Variants in CFAP47 observed in about 807,000 individuals in gnomAD.
The protein encoded by CFAP47 is cilia and flagella associated protein 47.
In CFAP47, 29 loss-of-function variants were observed where a neutral mutation model predicts 148.1. That is an observed-to-expected ratio of 0.20 (90% CI 0.15 to 0.27). CFAP47 has a LOEUF of 0.27. Among genes scored for constraint, CFAP47 ranks in the 10% least tolerant of loss-of-function variants. The pLI is 1.00. For missense variants in CFAP47, 1,872 were observed against 1,697.5 expected (o/e 1.10, Z -1.81); for synonymous variants, 664 against 577.3 (o/e 1.15, Z -2.15).
intron 18 of CFAP47, 138 bp downstream of exon 18, chrX:35,993,459 C>A (rs1936810975): frequency 7.9e-6 from 2 of 253,644 alleles, no homozygotes; most frequent in South Asian, 2.6e-4. Flanking sequence ...TGTTTTAATT[C>A]TTTCTTCTAT....
rs1314276971 is a variant in CFAP47, at chrX:36,159,447, G to A, written c.5808G>A (p.Leu1936=). 11 of 295,658 alleles carry A rather than the reference G, an allele frequency of 3.7e-5. No individual in the cohort carries two copies. The highest frequency in any genetic ancestry group is 3.0e-4 in the African/African-American group (11 of 36,292). 24.4% of individuals were successfully genotyped at this position (295,658 alleles called of 1,213,427 possible). A position where few individuals can be genotyped will look rare whatever the true frequency, so the allele number is the denominator to read the frequency against. Reference sequence around the variant, plus strand: ...ATAGAAATGAAATTAATGTCACTCTGAAATTCACCAGTCGCTTTATTCGTC... The same window carrying A: ...ATAGAAATGAAATTAATGTCACTCTAAAATTCACCAGTCGCTTTATTCGTC... ...ISPRNEINVT[L]KFTSRFIRPA... Residue 1936 remains leucine (L), a synonymous_variant, in exon 38 of 64, where the codon CTG becomes CTA. Transcript: ENST00000378653.
Position 35,948,440 on chromosome X carries a change from A to T in CFAP47, c.644A>T (p.Asp215Val). 8.3e-7 allele frequency: 1 copy of T among 1,200,777 alleles called. No homozygotes were observed. The highest frequency in any genetic ancestry group is 1.1e-6 in the Non-Finnish European group (1 of 886,760). Residue 215 changes from aspartate to valine, a missense_variant, in exon 4 of 64, where the codon GAT becomes GTT. Physicochemically the swap from Asp to Val is radical, Grantham distance 152. Coordinates refer to ENST00000378653, the MANE Select transcript of CFAP47 (RefSeq NM_001304548.2). ...DFCADQPRIV[D>V]EEAIVILQGQ... is the part of the protein sequence containing the mutation. ...TGTGCAGACCAGCCAAGAATTGTAGATGAAGAGGCAATGTGAGTATATACT... is the reference window on the plus strand; with the variant it reads ...TGTGCAGACCAGCCAAGAATTGTAGTTGAAGAGGCAATGTGAGTATATACT...
chrX:36,370,873 A>G (rs982307996), intron 62 of CFAP47, among the ~76,000 whole-genome samples: 6 of 111,319 alleles, frequency 5.4e-5, no homozygotes, highest in Non-Finnish European at 9.4e-5. Flanking sequence ...CCCCTGTCCT[A>G]GTGACTATAC....
At chrX:36,299,424 G>A (rs1040697936) in intron 52 of CFAP47, among the ~76,000 whole-genome samples, 1 of 111,013 alleles carries the variant, frequency 9.0e-6, no homozygotes, top group Non-Finnish European at 1.9e-5. Context: ...AAATCTTTAT[G>A]GATGCAAAAA....
At chrX:36,256,794 TTAAC>T (rs1940758655) in intron 49 of CFAP47, among the ~76,000 whole-genome samples, 1 of 111,693 alleles carries the variant, frequency 9.0e-6, no homozygotes, top group Non-Finnish European at 1.9e-5. Flanking sequence ...TGTGAGCTCT[TTAAC>T]TAATGATTTT....
intron 10 of CFAP47, among the ~76,000 whole-genome samples, chrX:35,968,915 A>G (rs1936448980): frequency 9.1e-6 from 1 of 110,343 alleles, no homozygotes; most frequent in African/African-American, 3.3e-5. Flanking sequence ...GCTTCTAGCA[A>G]TAATTTTTTA....
intron 55 of CFAP47, among the ~76,000 whole-genome samples, chrX:36,307,804 T>C (rs1941362796): frequency 9.0e-6 from 1 of 111,064 alleles, no homozygotes; most frequent in Non-Finnish European, 1.9e-5. Context: ...AATTTATTTT[T>C]AGAAAATTTG....
At chrX:36,355,558 A>G (rs1941778917) in intron 60 of CFAP47, among the ~76,000 whole-genome samples, 1 of 112,083 alleles carries the variant, frequency 8.9e-6, no homozygotes, top group African/African-American at 3.2e-5. Flanking sequence ...AGGAAATTCT[A>G]TAATGTGCAA....
chrX:36,324,730 T>C (rs1556012685), intron 57 of CFAP47, among the ~76,000 whole-genome samples: 2 of 111,583 alleles, frequency 1.8e-5, no homozygotes, highest in Non-Finnish European at 3.8e-5. Flanking sequence ...TTTTCCTCAA[T>C]TTTATAGGAA....
intron 1 of CFAP47, among the ~76,000 whole-genome samples, chrX:35,924,243 G>GTGCGCATGTA (rs1555947073): frequency 7.7e-5 from 7 of 90,670 alleles, no homozygotes; most frequent in African/African-American, 3.6e-4. Context: ...GGACATGTAT[G>GTGCGCATGTA]TGTGCATATG....
intron 56 of CFAP47, 24 bp downstream of exon 56, chrX:36,311,013 A>G: frequency 6.6e-6 from 6 of 914,813 alleles, no homozygotes; most frequent in Non-Finnish European, 7.3e-6. Flanking sequence ...CTTATATTTT[A>G]CATGTTATTT....
At chrX:36,081,372 G>T (rs972474378) in intron 29 of CFAP47, among the ~76,000 whole-genome samples, 3 of 110,938 alleles carry the variant, frequency 2.7e-5, no homozygotes, top group Non-Finnish European at 5.7e-5. Flanking sequence ...ACTAACAAAA[G>T]CCATGGGCCA....
chrX:36,236,707 G>A lies in CFAP47; in HGVS notation c.7180G>A (p.Glu2394Lys). The change falls in exon 48 of 64, where the codon GAA becomes AAA. Residue 2394 changes from glutamate to lysine, a missense_variant. Glu to Lys is a moderately conservative substitution (Grantham distance 56). Coordinates refer to ENST00000378653, the MANE Select transcript of CFAP47 (RefSeq NM_001304548.2). ...ATAGGGTAAACTTATTCTACAAAAT[G>A]AAGTAGATGGTAGGGAGCACATCTT... ...VITGKLILQN[E>K]VDGREHIFDI... 1.9e-6 allele frequency: 1 copy of A among 525,074 alleles called. No homozygotes were observed. Among genetic ancestry groups the A allele is most frequent in the South Asian group, 2.5e-5 (1 of 40,566 alleles). The allele number at this position is 525,074 out of a possible 1,213,427, so 43.3% of individuals were successfully genotyped here. A position where few individuals can be genotyped will look rare whatever the true frequency, so the allele number is the denominator to read the frequency against.
At chrX:35,942,308 T>G (rs1163763058) in intron 3 of CFAP47, among the ~76,000 whole-genome samples, 1 of 111,504 alleles carries the variant, frequency 9.0e-6, no homozygotes, top group Non-Finnish European at 1.9e-5. Context: ...GATTGAGCAT[T>G]GGGAATTATG....
chrX:36,361,194 T>G (rs782191047), intron 60 of CFAP47, 136 bp from the exon 61 acceptor site: 1 of 341,647 alleles, frequency 2.9e-6, no homozygotes, highest in Non-Finnish European at 5.2e-6. Context: ...CTAGACTTTA[T>G]AGACATTAAG....
intron 3 of CFAP47, among the ~76,000 whole-genome samples, chrX:35,942,012 G>C (rs1271285390): frequency 3.0e-5 from 3 of 99,465 alleles, no homozygotes; most frequent in African/African-American, 8.4e-5. Context: ...GTTTACATAA[G>C]GATGTGTGTG....
At chrX:36,194,607 A>G (rs1939900063) in intron 42 of CFAP47, among the ~76,000 whole-genome samples, 1 of 111,759 alleles carries the variant, frequency 8.9e-6, no homozygotes, top group Non-Finnish European at 1.9e-5. Flanking sequence ...AGGCCACAGG[A>G]AACTTACAAT....
At chrX:36,099,048 A>G (rs1457106597) in intron 31 of CFAP47, among the ~76,000 whole-genome samples, 174 bp downstream of exon 31, 1 of 111,754 alleles carries the variant, frequency 8.9e-6, no homozygotes, top group Non-Finnish European at 1.9e-5. Flanking sequence ...AAAAATCTCT[A>G]TGGAGTTCCT....
chrX:36,344,143 G>A (rs1941676198), intron 57 of CFAP47, among the ~76,000 whole-genome samples: 1 of 108,228 alleles, frequency 9.2e-6, no homozygotes, highest in African/African-American at 3.4e-5. Context: ...TGACAAGTTA[G>A]TGGGTGCAGC....
Sources: gnomAD v4.1 joint callset for allele counts (sites outside exome capture counted in the v4.1 genomes callset) on GRCh38, gnomAD v4.1.1 for gene constraint, MANE v1.5 for transcripts, NCBI Gene and HGNC (gene_info 2026-07-23, HGNC 2026-07-21) for gene names.